The following ZNF148 variants were observed in gnomAD, a reference collection of about 807,000 sequenced individuals.
ZNF148 encodes zinc finger protein 148.
In ZNF148, 7 loss-of-function variants were observed where a neutral mutation model predicts 67.7. The observed-to-expected ratio is 0.10, with a 90% confidence interval of 0.06 to 0.19. ZNF148 has a LOEUF of 0.19. ZNF148 is among the 10% of genes least tolerant of loss of function. The pLI is 1.00. For missense variants in ZNF148, 583 were observed against 947.1 expected, an observed-to-expected ratio of 0.62 and a Z score of 5.05; for synonymous variants, 333 against 330.7, an observed-to-expected ratio of 1.01 and a Z score of -0.08.
chr3:125,281,935 A>G (rs1279638580), intron 5 of ZNF148, among the ~76,000 whole-genome samples: 1 of 152,092 alleles, frequency 6.6e-6, no homozygotes, highest in African/African-American at 2.4e-5. Flanking sequence ...AATATATCCA[A>G]CTGATTTTTA....
chr3:125,327,854 C>T (rs908035242), intron 2 of ZNF148, among the ~76,000 whole-genome samples: 5 of 152,074 alleles, frequency 3.3e-5, no homozygotes, highest in Admixed American at 6.5e-5. Context: ...ATGCAGCAAA[C>T]GCAATACTTA....
At chr3:125,238,535 G>A (rs1936197709) in intron 7 of ZNF148, among the ~76,000 whole-genome samples, 2 of 152,102 alleles carry the variant, frequency 1.3e-5, no homozygotes, top group South Asian at 2.1e-4. Context: ...GGCTGAGGCA[G>A]GAGAATCACT....
chr3:125,331,093 G>T, intron 2 of ZNF148, 65 bp downstream of exon 2: 1 of 398,322 alleles, frequency 2.5e-6, no homozygotes, highest in Non-Finnish European at 4.4e-6. Context: ...TTGTAAGTAT[G>T]TGTAGTAACA....
chr3:125,256,401 G>A (rs969856536), intron 7 of ZNF148, among the ~76,000 whole-genome samples: 3 of 150,744 alleles, frequency 2.0e-5, no homozygotes, highest in Non-Finnish European at 4.4e-5. Flanking sequence ...CCCTGGCTAG[G>A]TGTGGTGGCT....
At chr3:125,260,498 G>A (rs1201852513) in intron 7 of ZNF148, among the ~76,000 whole-genome samples, 2 of 152,180 alleles carry the variant, frequency 1.3e-5, no homozygotes, top group Non-Finnish European at 2.9e-5. Context: ...ACTAAGTGAA[G>A]TAAGTCAGAT....
intron 2 of ZNF148, among the ~76,000 whole-genome samples, chr3:125,326,409 G>T (rs1178038490): frequency 6.6e-6 from 1 of 151,774 alleles, no homozygotes; most frequent in East Asian, 1.9e-4. Flanking sequence ...TTGGAAGAAA[G>T]TTTATCTTAC....
chr3:125,285,978 T>C (rs1185881979), intron 5 of ZNF148, among the ~76,000 whole-genome samples: 2 of 152,070 alleles, frequency 1.3e-5, no homozygotes, highest in African/African-American at 4.8e-5. Context: ...CTAGAACATA[T>C]CACCAAATAC....
At chr3:125,322,266 T>C (rs1940815218) in intron 3 of ZNF148, among the ~76,000 whole-genome samples, 1 of 151,750 alleles carries the variant, frequency 6.6e-6, no homozygotes, top group African/African-American at 2.4e-5. Context: ...GACTTCGTGA[T>C]CCACCAGCCT....
chr3:125,243,014 T>TCAGAATTAGCTTATC (rs1936436494), intron 7 of ZNF148, among the ~76,000 whole-genome samples: 1 of 152,238 alleles, frequency 6.6e-6, no homozygotes, highest in African/African-American at 2.4e-5. Context: ...CATATAAATT[T>TCAGAATTAGCTTATC]CAGAATTAGC....
At chr3:125,363,123 C>G (rs1942595416) in intron 1 of ZNF148, among the ~76,000 whole-genome samples, 1 of 152,138 alleles carries the variant, frequency 6.6e-6, no homozygotes. Flanking sequence ...ATCTTTAAAC[C>G]ATCACCCTCT....
chr3:125,305,176 C>G (rs1024331575), intron 4 of ZNF148, among the ~76,000 whole-genome samples: 1 of 152,208 alleles, frequency 6.6e-6, no homozygotes, highest in Non-Finnish European at 1.5e-5. Flanking sequence ...ATCTGAATGA[C>G]GGCAAATAAA....
chr3:125,322,397 C>G (rs948539431), intron 3 of ZNF148, among the ~76,000 whole-genome samples: 1 of 151,932 alleles, frequency 6.6e-6, no homozygotes, highest in African/African-American at 2.4e-5. Flanking sequence ...TCTGTTCTCT[C>G]CTTCTTATGC....
At chr3:125,330,863 G>A (rs911749806) in intron 2 of ZNF148, among the ~76,000 whole-genome samples, 1 of 152,016 alleles carries the variant, frequency 6.6e-6, no homozygotes, top group African/African-American at 2.4e-5. Flanking sequence ...AGGATCATTT[G>A]CCTTCCTAAC....
intron 6 of ZNF148, among the ~76,000 whole-genome samples, chr3:125,278,815 A>G (rs1052834603): frequency 1.3e-5 from 2 of 152,180 alleles, no homozygotes; most frequent in African/African-American, 4.8e-5. Flanking sequence ...TTTTGCACAC[A>G]CAAAAAATGA....
At chr3:125,261,377 T>A (rs1358618874) in intron 7 of ZNF148, among the ~76,000 whole-genome samples, 2 of 152,182 alleles carry the variant, frequency 1.3e-5, no homozygotes, top group Non-Finnish European at 2.9e-5. Context: ...TGGCTTTCTG[T>A]TGGAGTAACA....
At position 125,227,297 on chromosome 3, in the gene ZNF148, A is replaced by G. The variant is rs1935681211; in HGVS notation, c.*5044T>C. ...AGAAAAGGTCAGAAAATGGGATAGG[A>G]ATAGTAATACTGTATAATCAGAATA... On this transcript the variant is annotated 3_prime_UTR_variant, in exon 9 of 9. Coordinates refer to ENST00000360647, the MANE Select transcript of ZNF148 (RefSeq NM_021964.3). 1.3e-5 allele frequency: 2 copies of G among 152,634 alleles called. No individual in the cohort carries two copies. The highest frequency in any genetic ancestry group is 1.3e-4 in the Admixed American group (2 of 15,280). 9.5% of individuals were successfully genotyped at this position (152,634 alleles called of 1,614,324 possible).
At chr3:125,352,251 T>C (rs778949642) in intron 1 of ZNF148, among the ~76,000 whole-genome samples, 23 of 152,086 alleles carry the variant, frequency 1.5e-4, no homozygotes, top group Non-Finnish European at 2.5e-4. Flanking sequence ...ACATGCTACA[T>C]CATGTAACAT....
At chr3:125,274,145 C>T (rs1560131782) in intron 7 of ZNF148, among the ~76,000 whole-genome samples, 1 of 152,048 alleles carries the variant, frequency 6.6e-6, no homozygotes, top group Non-Finnish European at 1.5e-5. Flanking sequence ...GCACGTCAGA[C>T]AAAAGTACTT....
intron 1 of ZNF148, among the ~76,000 whole-genome samples, chr3:125,367,869 C>T (rs1942749330): frequency 6.6e-6 from 1 of 152,152 alleles, no homozygotes; most frequent in African/African-American, 2.4e-5. Flanking sequence ...AAAACAGACC[C>T]CATAGTTGTT....
Sources: gnomAD v4.1 joint callset for allele counts (sites outside exome capture counted in the v4.1 genomes callset) on GRCh38, gnomAD v4.1.1 for gene constraint, MANE v1.5 for transcripts, NCBI Gene and HGNC (gene_info 2026-07-23, HGNC 2026-07-21) for gene names.